GUCY1A1: variants seen among roughly 807,000 people sequenced by gnomAD.
The protein encoded by GUCY1A1 is guanylate cyclase soluble subunit alpha-1.
GUCY1A1 carries 48 observed loss-of-function variants against 64.5 expected under a neutral mutation model. That is an observed-to-expected ratio of 0.74 (90% CI 0.59 to 0.95). GUCY1A1 has a LOEUF of 0.95. GUCY1A1 is among the 40% of genes least tolerant of loss of function. The pLI is 0.00. For synonymous variants in GUCY1A1, 308 were observed against 303.4 expected (o/e 1.02, Z -0.16); for missense variants, 804 against 825.3 (o/e 0.97, Z 0.32).
rs768756068 is a variant in GUCY1A1, at chr4:155,735,681, C to T, written c.*5450C>T. The T allele has an allele frequency of 1.3e-5, 2 of 151,946 alleles. No homozygotes were observed. Among genetic ancestry groups the T allele is most frequent in the Non-Finnish European group, 2.9e-5 (2 of 67,940 alleles). The allele number at this position is 151,946 out of a possible 1,614,324, so 9.4% of individuals were successfully genotyped here. On this transcript the variant is annotated 3_prime_UTR_variant, in exon 10 of 10. Coordinates refer to ENST00000506455, the MANE Select transcript of GUCY1A1 (RefSeq NM_001130682.3). Reference sequence around the variant, plus strand: ...TCAGATGTTTGTTCCATCTGAAATGCTGCCAAATCCATCTGTATTGAGGAA... The same window carrying T: ...TCAGATGTTTGTTCCATCTGAAATGTTGCCAAATCCATCTGTATTGAGGAA...
intron 3 of GUCY1A1, among the ~76,000 whole-genome samples, chr4:155,702,579 C>A (rs1160566232): frequency 2.0e-5 from 3 of 152,170 alleles, no homozygotes; most frequent in Admixed American, 6.6e-5. Flanking sequence ...CCTCTGGGTG[C>A]GTCTTCCACC....
intron 2 of GUCY1A1, among the ~76,000 whole-genome samples, chr4:155,688,658 T>C (rs1043378041): frequency 6.6e-6 from 1 of 152,114 alleles, no homozygotes; most frequent in Admixed American, 6.6e-5. Context: ...ATTTCTGATA[T>C]AACACAGCAT....
At chr4:155,682,235 G>T (rs150169621) in intron 2 of GUCY1A1, among the ~76,000 whole-genome samples, 224 of 151,918 alleles carry the variant, frequency 1.5e-3, no homozygotes, top group African/African-American at 5.2e-3. Context: ...CTCAAATTCT[G>T]TACATTCCAA....
intron 7 of GUCY1A1, among the ~76,000 whole-genome samples, chr4:155,715,469 G>A (rs1432268323): frequency 6.6e-6 from 1 of 152,180 alleles, no homozygotes; most frequent in Non-Finnish European, 1.5e-5. Context: ...CAGCATGGGT[G>A]CGCAGTGGCT....
At chr4:155,681,267 A>G (rs893584198) in intron 2 of GUCY1A1, among the ~76,000 whole-genome samples, 5 of 152,296 alleles carry the variant, frequency 3.3e-5, no homozygotes, top group Middle Eastern at 3.4e-3. Flanking sequence ...TCTGCAATTT[A>G]ACCAGAAGTC....
At chr4:155,719,469 A>G (rs1199645811) in intron 8 of GUCY1A1, among the ~76,000 whole-genome samples, 3 of 152,142 alleles carry the variant, frequency 2.0e-5, no homozygotes, top group East Asian at 1.9e-4. Context: ...CAAGTCTCCT[A>G]TGTGTCAGTA....
At chr4:155,729,256 T>A (rs1446592521) in intron 9 of GUCY1A1, among the ~76,000 whole-genome samples, 1 of 151,798 alleles carries the variant, frequency 6.6e-6, no homozygotes. Context: ...GCCTGAATAT[T>A]AGGTTAGAGA....
At position 155,711,196 on chromosome 4, in the gene GUCY1A1, T is replaced by C. The variant is rs746353481; in HGVS notation, c.1031T>C (p.Met344Thr). The change falls in exon 6 of 10, where the codon ATG becomes ACG. Residue 344 changes from methionine to threonine, a missense_variant. By Grantham distance (81) the Met-to-Thr change is moderately conservative (BLOSUM62 -1). Transcript: ENST00000506455. ...TFSGIMTMLN[M>T]QFVVRVRRWD... ...AGCGGGATCATGACTATGTTGAATATGCAGTTTGTTGTACGAGTGAGGAGA... is the reference window on the plus strand; with the variant it reads ...AGCGGGATCATGACTATGTTGAATACGCAGTTTGTTGTACGAGTGAGGAGA... 3.7e-5 allele frequency: 59 copies of C among 1,613,344 alleles called. No individual in the cohort carries two copies. Among genetic ancestry groups the C allele is most frequent in the Non-Finnish European group, 4.6e-5 (54 of 1,179,368 alleles).
Position 155,733,376 on chromosome 4 carries a change from A to G in GUCY1A1, c.*3145A>G, listed in dbSNP as rs1431836045. ...CAAAGAGATGGGGTCTTGAGGGTGC[A>G]TAGTACATTCTGGACAGCCAGTTAC... On this transcript the variant is annotated 3_prime_UTR_variant, in exon 10 of 10. Coordinates refer to ENST00000506455, the MANE Select transcript of GUCY1A1 (RefSeq NM_001130682.3). Among the ~76,000 whole-genome samples the G allele has an allele frequency of 3.3e-5, 5 of 151,768 alleles. No homozygotes were observed. The South Asian group carries it at 6.2e-4, about 19-fold the overall frequency.
intron 7 of GUCY1A1, among the ~76,000 whole-genome samples, chr4:155,714,453 T>G (rs1417448041): frequency 6.6e-6 from 1 of 152,226 alleles, no homozygotes; most frequent in East Asian, 1.9e-4. Context: ...TAAACGTAAC[T>G]ACTATTAGTA....
At chr4:155,724,370 C>T (rs893267482) in intron 9 of GUCY1A1, among the ~76,000 whole-genome samples, 1 of 152,128 alleles carries the variant, frequency 6.6e-6, no homozygotes. Flanking sequence ...TCAATTTCTG[C>T]TCTGTTTTAT....
chr4:155,708,031 G>T (rs1471818422), intron 4 of GUCY1A1, among the ~76,000 whole-genome samples: 2 of 151,972 alleles, frequency 1.3e-5, no homozygotes, highest in Non-Finnish European at 2.9e-5. Flanking sequence ...CAGAGATGGG[G>T]TTTCACCATA....
intron 7 of GUCY1A1, among the ~76,000 whole-genome samples, chr4:155,716,650 A>G (rs1354215207): frequency 6.6e-6 from 1 of 152,104 alleles, no homozygotes; most frequent in Non-Finnish European, 1.5e-5. Context: ...CTTTAGAAGA[A>G]CCGTTTCTCT....
intron 3 of GUCY1A1, among the ~76,000 whole-genome samples, chr4:155,702,797 CAG>C (rs1731261728): frequency 6.6e-6 from 1 of 151,930 alleles, no homozygotes; most frequent in Non-Finnish European, 1.5e-5. Flanking sequence ...GTCATTAAAA[CAG>C]AACCTTGATC....
chr4:155,682,865 C>T (rs1321204255), intron 2 of GUCY1A1, among the ~76,000 whole-genome samples: 1 of 151,988 alleles, frequency 6.6e-6, no homozygotes, highest in Non-Finnish European at 1.5e-5. Flanking sequence ...TTCCAATAAG[C>T]AAGACATTTT....
rs1734900390 is a variant in GUCY1A1 at position 155,676,198 on chromosome 4, AT to A, written c.-113+8780del. 3.3e-5 allele frequency among the ~76,000 whole-genome samples: 5 copies of A among 151,500 alleles called. No homozygotes were observed. The South Asian group carries it at 1.0e-3, about 31-fold the overall frequency. On this transcript the variant is annotated intron_variant, in intron 2 of 9. Coordinates refer to ENST00000506455, the MANE Select transcript of GUCY1A1 (RefSeq NM_001130682.3). ...GAAAGGCTCAGTATGTGGGACATAG[AT>A]AAGAAAATGAGACCTAAATAGGGTG...
intron 2 of GUCY1A1, among the ~76,000 whole-genome samples, chr4:155,683,679 C>T (rs1736147654): frequency 6.6e-6 from 1 of 152,056 alleles, no homozygotes; most frequent in South Asian, 2.1e-4. Flanking sequence ...GAGTCTGGGG[C>T]AACATTTTAG....
In GUCY1A1 at chr4:155,713,328, C is replaced by G; in HGVS notation, c.1317C>G (p.Ala439=). 1 of 1,614,146 alleles carries G rather than the reference C, an allele frequency of 6.2e-7. No homozygotes were observed. Among genetic ancestry groups the G allele is most frequent in the Non-Finnish European group, 8.5e-7 (1 of 1,180,030 alleles). ...AGCTGAAGGCTACCCTTGAGCAAGC[C>G]CACCAAGCCCTGGAGGAGGAGAAGA... ...LGKLKATLEQ[A]HQALEEEKKK... is the part of the protein sequence containing the mutation. Residue 439 remains alanine (A), a synonymous_variant, in exon 7 of 10, where the codon GCC becomes GCG. Coordinates refer to ENST00000506455, the MANE Select transcript of GUCY1A1 (RefSeq NM_001130682.3).
intron 2 of GUCY1A1, among the ~76,000 whole-genome samples, chr4:155,686,133 T>C (rs1728971435): frequency 6.6e-6 from 1 of 152,182 alleles, no homozygotes; most frequent in Non-Finnish European, 1.5e-5. Flanking sequence ...CTCTACCTGC[T>C]CACAACCTAA....
Sources: gnomAD v4.1 joint callset for allele counts (sites outside exome capture counted in the v4.1 genomes callset) on GRCh38, gnomAD v4.1.1 for gene constraint, MANE v1.5 for transcripts, NCBI Gene and HGNC (gene_info 2026-07-23, HGNC 2026-07-21) for gene names.